The following GLT6D1 variants were observed in gnomAD, a reference collection of about 807,000 sequenced individuals.
The protein encoded by GLT6D1 is glycosyltransferase 6 domain containing 1.
In GLT6D1, 9 loss-of-function variants were observed where a neutral mutation model predicts 12.3. The observed-to-expected ratio is 0.73, with a 90% CI of 0.44 to 1.27. The LOEUF is 1.27. Among genes scored for constraint, GLT6D1 ranks in the 50% most tolerant of loss-of-function variants. The probability of loss-of-function intolerance (pLI) is 0.00; values close to 1 mark genes in which losing one functional copy is unlikely to be tolerated. For synonymous variants in GLT6D1, 128 were observed against 132.3 expected, an observed-to-expected ratio of 0.97 and a Z score of 0.23; for missense variants, 335 against 346.2, an observed-to-expected ratio of 0.97 and a Z score of 0.26.
At chr9:135,631,985 A>G (rs2119142470) in intron 2 of GLT6D1, among the ~76,000 whole-genome samples, 1 of 152,164 alleles carries the variant, frequency 6.6e-6, no homozygotes, top group South Asian at 2.1e-4. Flanking sequence ...CCATCCTCCC[A>G]CCTCAACCTC....
chr9:135,629,555 A>T (rs529539763), intron 3 of GLT6D1, among the ~76,000 whole-genome samples: 11 of 152,250 alleles, frequency 7.2e-5, no homozygotes, highest in African/African-American at 2.4e-4. Context: ...AGAATGTCTC[A>T]TGTGCACTTG....
intron 4 of GLT6D1, 91 bp downstream of exon 4, chr9:135,625,978 A>T: frequency 7.1e-7 from 1 of 1,409,774 alleles, no homozygotes; most frequent in Non-Finnish European, 9.8e-7. Context: ...AATTATGCTT[A>T]ATTATGGTTG....
At chr9:135,624,756 G>A (rs1833463396) in intron 4 of GLT6D1, 86 bp from the exon 5 acceptor site, 1 of 830,982 alleles carries the variant, frequency 1.2e-6, no homozygotes, top group African/African-American at 2.1e-5. Flanking sequence ...TTGAGATGGA[G>A]TCTCCCTCTG....
At position 135,631,467 on chromosome 9, in the gene GLT6D1, A is replaced by G; in HGVS notation, c.83T>C (p.Val28Ala). 6.2e-7 allele frequency: 1 copy of G among 1,611,232 alleles called. No individual in the cohort carries two copies. Among genetic ancestry groups the G allele is most frequent in the East Asian group, 2.2e-5 (1 of 44,856 alleles). ...CCAGTCTGAGAGCCGAAGTTCTTCT[A>G]CTTGGTGATTCCTGGATACAAAGAG... ...LVERYFRNHQ[V>A]EELRLSDWFH... Residue 28 changes from valine (V) to alanine (A), a missense_variant, in exon 3 of 5, where the codon GTA (valine) becomes GCA (alanine). Transcript: ENST00000371763.
rs200843676 is a variant in GLT6D1 at position 135,624,453 on chromosome 9, C to A, written c.475G>T (p.Ala159Ser). 3.1e-6 allele frequency: 5 copies of A among 1,614,000 alleles called. No homozygotes were observed. The African/African-American group carries it at 6.7e-5, about 22-fold the overall frequency. Residue 159 changes from alanine to serine, a missense_variant, in exon 5 of 5, where the codon GCC becomes TCC. Physicochemically the swap from Ala to Ser is moderately conservative, Grantham distance 99. Transcript: ENST00000371763. Reference sequence around the variant, plus strand: ...TCCACCTCGTCCTGGATGTGACTGGCGATGTGTTCACCCAGGCTCTTCACA... The same window carrying A: ...TCCACCTCGTCCTGGATGTGACTGGAGATGTGTTCACCCAGGCTCTTCACA... Reference protein sequence around the residue: ...VHVKSLGEHIASHIQDEVDFL... With the variant: ...VHVKSLGEHISSHIQDEVDFL...
At position 135,623,743 on chromosome 9, in the gene GLT6D1, T is replaced by G. The variant is rs1237866988; in HGVS notation, c.*354A>C. The G allele has an allele frequency of 6.0e-6, 1 of 165,494 alleles. No individual in the cohort carries two copies. The highest frequency in any genetic ancestry group is 1.3e-5 in the Non-Finnish European group (1 of 76,800). The allele number at this position is 165,494 out of a possible 1,614,324, so 10.3% of individuals were successfully genotyped here. A position where few individuals can be genotyped will look rare whatever the true frequency, so the allele number is the denominator to read the frequency against. On this transcript the variant is annotated 3_prime_UTR_variant, in exon 5 of 5. Transcript: ENST00000371763. ...TAGAGTCTTTCTCCATTAAAAATAT[T>G]CATTCTATGTCAAATGTATTTTCAC...
rs1465829456 is a variant in GLT6D1 at position 135,624,490 on chromosome 9, G to T, written c.438C>A (p.Gly146=). 3.1e-6 allele frequency: 5 copies of T among 1,607,834 alleles called. No homozygotes were observed. The highest frequency in any genetic ancestry group is 4.2e-6 in the Non-Finnish European group (5 of 1,176,978). ...CCAGGCTCTTCACATGCACCAGGGG[G>T]CCATCGAGCCACCACCTCTCGGTGC... ...KVGTERWWLD[G]PLVHVKSLGE... The change falls in exon 5 of 5, where the codon GGC becomes GGA. Residue 146 remains glycine (G), a synonymous_variant. Transcript: ENST00000371763.
In GLT6D1 at chr9:135,630,422, GAAGACTACACAA is replaced by G. The variant is rs1588202057; in HGVS notation, c.119+997_119+1008del. On this transcript the variant is annotated intron_variant, in intron 3 of 4. Coordinates refer to ENST00000371763, the MANE Select transcript of GLT6D1 (RefSeq NM_182974.3). ...TCTGTCTCAGAAAAAAAAAAAAAAA[GAAGACTACACAA>G]AAGATGAAATATGAATGAATAGTAA... Among the ~76,000 whole-genome samples the G allele has an allele frequency of 2.4e-5, 3 of 127,246 alleles. No individual in the cohort carries two copies. In the East Asian group the frequency reaches 7.2e-4, roughly 31 times the overall value. 83.5% of individuals were successfully genotyped at this position (127,246 alleles called of 152,430 possible).
chr9:135,636,223 A>AT (rs1833769644), intron 2 of GLT6D1, among the ~76,000 whole-genome samples: 1 of 152,178 alleles, frequency 6.6e-6, no homozygotes, highest in South Asian at 2.1e-4. Flanking sequence ...GCCTGGTGGC[A>AT]TGTGCCTGTA....
Position 135,624,117 on chromosome 9 carries a change from A to T in GLT6D1, c.811T>A (p.Tyr271Asn). 1 of 1,612,078 alleles carries T rather than the reference A, an allele frequency of 6.2e-7. No individual in the cohort carries two copies. The highest frequency in any genetic ancestry group is 8.5e-7 in the Non-Finnish European group (1 of 1,178,772). ...AACAGCTAGGTGGGTTTATTGAGGT[A>T]AAAATATTTGTTAAGGTGCTTTTCA... Reference protein sequence around the residue: ...TYEKHLNKYFYLNKPT With the variant: ...TYEKHLNKYFNLNKPT Residue 271 changes from tyrosine (Y) to asparagine (N), a missense_variant, in exon 5 of 5, where the codon TAC becomes AAC. Physicochemically the swap from Tyr to Asn is moderately radical, Grantham distance 143. Transcript: ENST00000371763.
At chr9:135,636,606 T>G (rs771230713) in intron 2 of GLT6D1, among the ~76,000 whole-genome samples, 1 of 152,118 alleles carries the variant, frequency 6.6e-6, no homozygotes, top group South Asian at 2.1e-4. Flanking sequence ...GTGTCCATGG[T>G]TACACTGTCA....
intron 4 of GLT6D1, among the ~76,000 whole-genome samples, chr9:135,625,803 T>C (rs1454124159): frequency 1.3e-5 from 2 of 152,174 alleles, no homozygotes; most frequent in Non-Finnish European, 2.9e-5. Context: ...AGGGGATAAA[T>C]TGCAGTTGAA....
In GLT6D1 at chr9:135,624,007, T is replaced by C. The variant is rs1833420657; in HGVS notation, c.*90A>G. On this transcript the variant is annotated 3_prime_UTR_variant, in exon 5 of 5. Transcript: ENST00000371763. ...ATAAACCTCATGGCGTAATTCATAA[T>C]TTCCTCTGGGAATCATGTGCGACCT... 2 of 798,138 alleles carry C rather than the reference T, an allele frequency of 2.5e-6. No individual in the cohort carries two copies. Among genetic ancestry groups the C allele is most frequent in the East Asian group, 5.0e-5 (2 of 39,880 alleles). 49.4% of individuals were successfully genotyped at this position (798,138 alleles called of 1,614,324 possible).
intron 2 of GLT6D1, among the ~76,000 whole-genome samples, chr9:135,636,907 C>T (rs1833788013): frequency 1.3e-5 from 2 of 151,974 alleles, no homozygotes; most frequent in Admixed American, 6.6e-5. Flanking sequence ...AGCTGGAGTG[C>T]GATGGCGTGA....
Position 135,623,679 on chromosome 9 carries a change from G to T in GLT6D1, c.*418C>A. 1 of 128,006 alleles carries T rather than the reference G, an allele frequency of 7.8e-6. No homozygotes were observed. The highest frequency in any genetic ancestry group is 2.1e-4 in the South Asian group (1 of 4,722). The allele number at this position is 128,006 out of a possible 1,614,324, so 7.9% of individuals were successfully genotyped here. A position where few individuals can be genotyped will look rare whatever the true frequency, so the allele number is the denominator to read the frequency against. On this transcript the variant is annotated 3_prime_UTR_variant, in exon 5 of 5. Coordinates refer to ENST00000371763, the MANE Select transcript of GLT6D1 (RefSeq NM_182974.3). ...GCCTGGCATTTATTTTTTCCTTTGC[G>T]TGAACTACTTTTCCATTTTATGAAT...
rs1833841669 is a variant in GLT6D1 at position 135,639,151 on chromosome 9, C to A, written c.37G>T (p.Ala13Ser). ...CGCTCAACCAACATCAGTGAAAAAGCAAATAAAACCAATAACAGCATTCTT... is the reference window on the plus strand; with the variant it reads ...CGCTCAACCAACATCAGTGAAAAAGAAAATAAAACCAATAACAGCATTCTT... ...SKRMLLLVLF[A>S]FSLMLVERYF... The change falls in exon 2 of 5, where the codon GCT (alanine) becomes TCT (serine). Residue 13 changes from alanine (A) to serine (S), a missense_variant. Ala to Ser is a moderately conservative substitution (Grantham distance 99). Coordinates refer to ENST00000371763, the MANE Select transcript of GLT6D1 (RefSeq NM_182974.3). The A allele has an allele frequency of 1.9e-6, 3 of 1,588,362 alleles. No individual in the cohort carries two copies. Among genetic ancestry groups the A allele is most frequent in the East Asian group, 2.2e-5 (1 of 44,708 alleles).
In GLT6D1 at chr9:135,627,378, C is replaced by T. The variant is rs1251986861; in HGVS notation, c.120-1172G>A. 2.0e-5 allele frequency among the ~76,000 whole-genome samples: 3 copies of T among 152,200 alleles called. No homozygotes were observed. The East Asian group carries it at 5.8e-4, about 29-fold the overall frequency. Reference sequence around the variant, plus strand: ...TAATATTTAAAACACATGCTATTTACAGTTTCTCCAAAGAAAATGAAATAC... The same window carrying T: ...TAATATTTAAAACACATGCTATTTATAGTTTCTCCAAAGAAAATGAAATAC... On this transcript the variant is annotated intron_variant, in intron 3 of 4. Transcript: ENST00000371763.
intron 3 of GLT6D1, among the ~76,000 whole-genome samples, chr9:135,629,493 C>T (rs1282269175): frequency 6.6e-6 from 1 of 152,094 alleles, no homozygotes; most frequent in African/African-American, 2.4e-5. Context: ...TGTATGATTT[C>T]AATCATTTGA....
chr9:135,638,383 A>G (rs745495002), intron 2 of GLT6D1, among the ~76,000 whole-genome samples: 2 of 152,228 alleles, frequency 1.3e-5, no homozygotes, highest in Non-Finnish European at 2.9e-5. Flanking sequence ...TCTAGTACAC[A>G]TGCTTCTATA....
Sources: gnomAD v4.1 joint callset for allele counts (sites outside exome capture counted in the v4.1 genomes callset) on GRCh38, gnomAD v4.1.1 for gene constraint, MANE v1.5 for transcripts, NCBI Gene and HGNC (gene_info 2026-07-23, HGNC 2026-07-21) for gene names.